Variants in HYCC2 observed in about 807,000 individuals in gnomAD.
HYCC2 encodes hyccin 2.
the HYCC2 span, chr2:201,024,171 G>C: frequency 1.9e-6 from 1 of 537,078 alleles, no homozygotes; most frequent in Non-Finnish European, 3.2e-6. Flanking sequence ...TCTTAGTTTG[G>C]AGCACAATTA....
the HYCC2 span, among the ~76,000 whole-genome samples, chr2:200,999,471 C>T: frequency 2.0e-5 from 3 of 151,810 alleles, no homozygotes; most frequent in East Asian, 3.9e-4. Context: ...CTGCAACCTC[C>T]GCCTCCCAGG....
the HYCC2 span, among the ~76,000 whole-genome samples, chr2:201,010,875 G>C: frequency 6.6e-6 from 1 of 151,926 alleles, no homozygotes; most frequent in Non-Finnish European, 1.5e-5. Context: ...AGTCAGGCGT[G>C]GTGGCTCATA....
chr2:201,063,112 A>G, the HYCC2 span: 1 of 1,610,172 alleles, frequency 6.2e-7, no homozygotes, highest in Non-Finnish European at 8.5e-7. Context: ...AGTCTCCTAA[A>G]GAGCCCGAAC....
chr2:201,057,041 A>G, the HYCC2 span, among the ~76,000 whole-genome samples: 1 of 152,228 alleles, frequency 6.6e-6, no homozygotes, highest in Non-Finnish European at 1.5e-5. Flanking sequence ...ACTGCTTCTG[A>G]AGAGAGCTAT....
At chr2:201,048,406 T>C in the HYCC2 span, among the ~76,000 whole-genome samples, 1 of 152,004 alleles carries the variant, frequency 6.6e-6, no homozygotes, top group Admixed American at 6.6e-5. Flanking sequence ...ACCAAGCTTG[T>C]CCAACTCACA....
At chr2:201,035,769 G>C in the HYCC2 span, among the ~76,000 whole-genome samples, 1 of 152,196 alleles carries the variant, frequency 6.6e-6, no homozygotes, top group Non-Finnish European at 1.5e-5. Flanking sequence ...GTGACGTTCA[G>C]ATGGGGTTTT....
At chr2:200,987,843 A>G in the HYCC2 span, among the ~76,000 whole-genome samples, 1 of 152,232 alleles carries the variant, frequency 6.6e-6, no homozygotes, top group African/African-American at 2.4e-5. Context: ...AAAAAAGGAA[A>G]GGCAAAGATA....
At chr2:200,988,483 C>T in the HYCC2 span, 2 of 1,235,332 alleles carry the variant, frequency 1.6e-6, no homozygotes, top group African/African-American at 1.5e-5. Flanking sequence ...GTTTATACTA[C>T]ATGTGTCCAT....
the HYCC2 span, chr2:201,008,875 C>G: frequency 6.6e-6 from 5 of 759,644 alleles, no homozygotes; most frequent in East Asian, 1.4e-4. Context: ...TACATTCCAG[C>G]CTGGGTGACA....
chr2:200,977,116 C>T, the HYCC2 span: 6 of 152,180 alleles, frequency 3.9e-5, no homozygotes, highest in Admixed American at 3.3e-4. Context: ...TTGATCCTTA[C>T]ATCTGTAGAT....
chr2:200,980,759 T>C, the HYCC2 span: 1 of 155,656 alleles, frequency 6.4e-6, no homozygotes, highest in Non-Finnish European at 1.4e-5. Context: ...CAGAAAATGA[T>C]TGCACAGACT....
chr2:201,022,145 GTTCCT>G, the HYCC2 span: 222 of 1,254,062 alleles, frequency 1.8e-4, 1 homozygote, highest in East Asian at 0.01. Context: ...TTTCCTGTGT[GTTCCT>G]TTCATTTTCA....
the HYCC2 span, among the ~76,000 whole-genome samples, chr2:201,039,721 C>CTA: frequency 6.6e-6 from 1 of 152,108 alleles, no homozygotes. Flanking sequence ...TACCAACTAA[C>CTA]TGAATAAAAG....
the HYCC2 span, among the ~76,000 whole-genome samples, chr2:201,011,142 C>T: frequency 6.6e-6 from 1 of 151,796 alleles, no homozygotes; most frequent in African/African-American, 2.4e-5. Flanking sequence ...GAGACTCCAT[C>T]TCAAAAAACA....
the HYCC2 span, among the ~76,000 whole-genome samples, chr2:201,057,073 T>C: frequency 6.6e-6 from 1 of 152,240 alleles, no homozygotes; most frequent in South Asian, 2.1e-4. Context: ...AGATGATTGC[T>C]CTTCTTTTGA....
chr2:201,057,032 C>T, the HYCC2 span, among the ~76,000 whole-genome samples: 1 of 152,248 alleles, frequency 6.6e-6, no homozygotes, highest in Admixed American at 6.5e-5. Flanking sequence ...ATGAGAACTA[C>T]TGCTTCTGAA....
chr2:201,019,250 T>G, the HYCC2 span, among the ~76,000 whole-genome samples: 2 of 152,172 alleles, frequency 1.3e-5, no homozygotes, highest in Non-Finnish European at 2.9e-5. Flanking sequence ...ATGGTACAAT[T>G]ATGATGAATT....
the HYCC2 span, among the ~76,000 whole-genome samples, chr2:201,026,011 C>A: frequency 6.6e-6 from 1 of 152,252 alleles, no homozygotes; most frequent in Admixed American, 6.5e-5. Context: ...TTAAAAGACA[C>A]AGACTGGCAA....
the HYCC2 span, among the ~76,000 whole-genome samples, chr2:201,047,709 A>G: frequency 6.7e-6 from 1 of 150,210 alleles, no homozygotes; most frequent in Admixed American, 6.6e-5. Flanking sequence ...AGCCATAGGA[A>G]AAAAAAAAGA....
Sources: gnomAD v4.1 joint callset for allele counts (sites outside exome capture counted in the v4.1 genomes callset) on GRCh38, gnomAD v4.1.1 for gene constraint, MANE v1.5 for transcripts, NCBI Gene and HGNC (gene_info 2026-07-23, HGNC 2026-07-21) for gene names.